Variants in EPHB1 observed in about 807,000 individuals in gnomAD.
The protein encoded by EPHB1 is ephrin type-B receptor 1.
A neutral mutation model predicts 94.4 loss-of-function variants in EPHB1; 30 were observed. That is an observed-to-expected ratio of 0.32 (90% confidence interval 0.24 to 0.43). EPHB1 has a LOEUF of 0.43. Among genes scored for constraint, EPHB1 ranks in the 20% least tolerant of loss-of-function variants. The pLI is 1.00. For missense variants in EPHB1, 1,055 were observed against 1,308.3 expected (o/e 0.81, Z 2.99); for synonymous variants, 522 against 489.1 (o/e 1.07, Z -0.89).
intron 6 of EPHB1, among the ~76,000 whole-genome samples, chr3:135,160,272 TGACTTCACAAAGTAG>T (rs1941470249): frequency 6.6e-6 from 1 of 152,256 alleles, no homozygotes; most frequent in South Asian, 2.1e-4. Context: ...AGGTCATCTT[TGACTTCACAAAGTAG>T]GCTTTTATAT....
chr3:135,241,459 T>A (rs1943781406), intron 13 of EPHB1, among the ~76,000 whole-genome samples, 162 bp downstream of exon 13: 1 of 152,144 alleles, frequency 6.6e-6, no homozygotes, highest in African/African-American at 2.4e-5. Context: ...ATGTTGGAAC[T>A]AATCAAAGAG....
At chr3:134,883,585 T>C (rs897894320) in intron 1 of EPHB1, among the ~76,000 whole-genome samples, 7 of 152,342 alleles carry the variant, frequency 4.6e-5, no homozygotes, top group Admixed American at 3.9e-4. Flanking sequence ...TGATTTAAGT[T>C]GTGTTTTTTT....
intron 1 of EPHB1, among the ~76,000 whole-genome samples, chr3:134,869,441 C>T (rs1468398415): frequency 1.3e-5 from 2 of 152,138 alleles, no homozygotes; most frequent in Non-Finnish European, 2.9e-5. Context: ...ATAATAGCAA[C>T]AGTTTTTTTC....
chr3:134,976,223 G>A (rs370133599), intron 3 of EPHB1, among the ~76,000 whole-genome samples: 6 of 152,200 alleles, frequency 3.9e-5, no homozygotes, highest in African/African-American at 9.7e-5. Flanking sequence ...AGCTAGGGAG[G>A]AGCAGGCACA....
intron 3 of EPHB1, among the ~76,000 whole-genome samples, chr3:135,002,343 C>T (rs1488575440): frequency 6.6e-6 from 1 of 152,226 alleles, no homozygotes. Flanking sequence ...CTGCTGGATT[C>T]GTTTTGCCAG....
chr3:135,194,868 A>G (rs1349109239), intron 11 of EPHB1, among the ~76,000 whole-genome samples: 1 of 152,170 alleles, frequency 6.6e-6, no homozygotes, highest in East Asian at 1.9e-4. Context: ...TAGTTGACTA[A>G]AAGATTATTT....
chr3:134,979,914 T>G (rs562285639), intron 3 of EPHB1, among the ~76,000 whole-genome samples: 27 of 152,198 alleles, frequency 1.8e-4, no homozygotes, highest in African/African-American at 5.3e-4. Context: ...ATCAGTTTTT[T>G]TTGTTGTTGT....
At chr3:135,018,027 G>T (rs991528081) in intron 3 of EPHB1, among the ~76,000 whole-genome samples, 1 of 152,158 alleles carries the variant, frequency 6.6e-6, no homozygotes, top group African/African-American at 2.4e-5. Context: ...AGAGCTCCAG[G>T]GAGGGCAGAG....
chr3:134,986,153 C>T (rs1321543747), intron 3 of EPHB1, among the ~76,000 whole-genome samples: 1 of 152,184 alleles, frequency 6.6e-6, no homozygotes, highest in African/African-American at 2.4e-5. Flanking sequence ...AGCTCTTCAG[C>T]TTTATTCCAC....
chr3:134,950,408 G>C (rs11720339), intron 2 of EPHB1, among the ~76,000 whole-genome samples: 6 of 152,298 alleles, frequency 3.9e-5, no homozygotes, highest in African/African-American at 1.4e-4. Context: ...TTATAGTCTA[G>C]GTCTTTGCAT....
chr3:135,099,012 CAAAAAAAAAAAAAAAA>C lies in EPHB1; in HGVS notation c.806-7425_806-7410del, dbSNP rs34508563. ...TGGGCAACAGAGTGAGACCCTGCCT[CAAAAAAAAAAAAAAAA>C]AAAAAAAAAAGGGAATCCACACTTT... On this transcript the variant is annotated intron_variant, in intron 3 of 15. Transcript: ENST00000398015. 6.8e-3 allele frequency among the ~76,000 whole-genome samples: 441 copies of C among 64,542 alleles called. 14 individuals are homozygous for C. Among genetic ancestry groups the C allele is most frequent in the Non-Finnish European group, 3.3e-3 (122 of 37,242 alleles). 42.3% of individuals were successfully genotyped at this position (64,542 alleles called of 152,430 possible).
chr3:134,986,835 T>C (rs1241457877), intron 3 of EPHB1, among the ~76,000 whole-genome samples: 1 of 152,052 alleles, frequency 6.6e-6, no homozygotes. Flanking sequence ...AATTTTGTAA[T>C]TGTAATCTCA....
At chr3:134,941,762 C>G (rs906058607) in intron 2 of EPHB1, among the ~76,000 whole-genome samples, 3 of 119,832 alleles carry the variant, frequency 2.5e-5, no homozygotes, top group African/African-American at 4.0e-5. Flanking sequence ...GACACACACA[C>G]ACACACACAC....
chr3:135,001,617 C>T lies in EPHB1; in HGVS notation c.805+49565C>T, dbSNP rs146575355. 9.9e-4 allele frequency among the ~76,000 whole-genome samples: 151 copies of T among 152,324 alleles called. 1 individual carries two copies. Among genetic ancestry groups the T allele is most frequent in the African/African-American group, 3.2e-3 (135 of 41,568 alleles). On this transcript the variant is annotated intron_variant, in intron 3 of 15. Transcript: ENST00000398015. ...CCCCAGGCCCAATGGCCTCCCAGAG[C>T]ACCACTCTCACTGGCTTTTGTGGAG...
chr3:135,084,197 A>C (rs933418265), intron 3 of EPHB1, among the ~76,000 whole-genome samples: 2 of 152,174 alleles, frequency 1.3e-5, no homozygotes, highest in Non-Finnish European at 2.9e-5. Context: ...ATTTATCTTC[A>C]TTATGGTTGG....
intron 1 of EPHB1, among the ~76,000 whole-genome samples, chr3:134,861,268 G>GC (rs1174928376): frequency 6.6e-6 from 1 of 152,154 alleles, no homozygotes; most frequent in Non-Finnish European, 1.5e-5. Context: ...GTTGTCAAGG[G>GC]CCAGGATATT....
intron 12 of EPHB1, among the ~76,000 whole-genome samples, chr3:135,232,664 T>C (rs1215519431): frequency 6.6e-6 from 1 of 152,214 alleles, no homozygotes; most frequent in East Asian, 1.9e-4. Context: ...CTTAGTACAA[T>C]GTTGAAAAAT....
At chr3:134,892,517 G>A (rs1380179914) in intron 1 of EPHB1, among the ~76,000 whole-genome samples, 2 of 152,234 alleles carry the variant, frequency 1.3e-5, no homozygotes, top group African/African-American at 4.8e-5. Context: ...CATTTGCACA[G>A]GAGAAAGTAA....
intron 3 of EPHB1, among the ~76,000 whole-genome samples, chr3:135,048,263 T>TTC (rs1553726207): frequency 7.8e-6 from 1 of 127,564 alleles, no homozygotes; most frequent in Non-Finnish European, 1.7e-5. Flanking sequence ...TTTTTTCTTT[T>TTC]TTTTTTTTTT....
Sources: allele counts gnomAD v4.1 joint callset (sites outside exome capture counted in the v4.1 genomes callset), GRCh38; gene constraint gnomAD v4.1.1; transcripts MANE v1.5; gene names NCBI Gene and HGNC (gene_info 2026-07-23, HGNC 2026-07-21).